The following SWAP70 variants were observed in gnomAD, a reference collection of about 807,000 sequenced individuals.
The protein encoded by SWAP70 is switching B cell complex subunit SWAP70, also known as switch-associated protein 70.
In SWAP70, 34 loss-of-function variants were observed where a neutral mutation model predicts 80.2. The observed-to-expected ratio is 0.42, with a 90% CI of 0.32 to 0.56. The LOEUF (loss-of-function observed/expected upper bound fraction) is 0.56. Among genes scored for constraint, SWAP70 ranks in the 20% least tolerant of loss-of-function variants. SWAP70 has a pLI of 0.09. For missense variants in SWAP70, 578 were observed against 690.7 expected (o/e 0.84, Z 1.83); for synonymous variants, 239 against 238.5 (o/e 1.00, Z -0.02).
At chr11:9,664,323 C>A in intron 1 of SWAP70, 45 bp downstream of exon 1, 1 of 1,532,892 alleles carries the variant, frequency 6.5e-7, no homozygotes, top group East Asian at 2.5e-5. Flanking sequence ...CTCCCCGGCG[C>A]GCTCTGTACT....
chr11:9,709,145 A>T (rs1399503412), intron 2 of SWAP70, among the ~76,000 whole-genome samples: 1 of 151,740 alleles, frequency 6.6e-6, no homozygotes, highest in Non-Finnish European at 1.5e-5. Context: ...TCCCCCTCAG[A>T]CAGAGTCTCA....
chr11:9,737,394 TTTAGAATGTCC>T (rs1851376535), intron 7 of SWAP70, among the ~76,000 whole-genome samples: 1 of 152,348 alleles, frequency 6.6e-6, no homozygotes, highest in African/African-American at 2.4e-5. Context: ...TGTTCTCCAT[TTTAGAATGTCC>T]TTAGCATAAT....
rs559530628 is a variant in SWAP70 at position 9,675,611 on chromosome 11, G to A, written c.99+11333G>A. On this transcript the variant is annotated intron_variant, in intron 1 of 11. Coordinates refer to ENST00000318950, the MANE Select transcript of SWAP70 (RefSeq NM_015055.4). The stretch of plus-strand genomic sequence containing the variant: ...ATAGCCATAAATAAGGTCATTGCAG[G>A]TCAGTAGGTTTTCTCGAATCTTTAA... Among the ~76,000 whole-genome samples, 20 of 151,900 alleles carry A rather than the reference G, an allele frequency of 1.3e-4. No individual in the cohort carries two copies. In the South Asian group the frequency reaches 4.0e-3, roughly 30 times the overall value.
chr11:9,735,749 G>GC (rs1476749581), intron 7 of SWAP70, among the ~76,000 whole-genome samples: 2 of 152,198 alleles, frequency 1.3e-5, no homozygotes, highest in Admixed American at 6.5e-5. Context: ...TGTCAAGCTT[G>GC]CAGGAGTTCC....
At chr11:9,671,757 T>TTTTTATGTATATATAGAAATATAAATATA (rs1565109867) in intron 1 of SWAP70, among the ~76,000 whole-genome samples, 1 of 44,878 alleles carries the variant, frequency 2.2e-5, no homozygotes, top group Non-Finnish European at 4.6e-5. Context: ...TATAAATATA[T>TTTTTATGTATATATAGAAATATAAATATA]AAATATATAA....
intron 1 of SWAP70, among the ~76,000 whole-genome samples, chr11:9,680,077 A>G (rs1328074804): frequency 2.0e-5 from 3 of 152,246 alleles, no homozygotes; most frequent in Non-Finnish European, 2.9e-5. Context: ...ACTAATGTAT[A>G]AAACATTATA....
chr11:9,710,135 A>G (rs1233130155), intron 2 of SWAP70, among the ~76,000 whole-genome samples: 1 of 145,658 alleles, frequency 6.9e-6, no homozygotes, highest in Non-Finnish European at 1.5e-5. Flanking sequence ...ATTTAAGTGG[A>G]CCCTCGAAGT....
intron 1 of SWAP70, among the ~76,000 whole-genome samples, chr11:9,671,529 TAAATATATAG>T (rs1268657852): frequency 0.49 from 40,728 of 83,628 alleles, 11,328 homozygotes; most frequent in South Asian, 0.64. Context: ...TATAAATATA[TAAATATATAG>T]AAATATATAG....
Position 9,749,855 on chromosome 11 carries a change from G to A in SWAP70, c.1652-9G>A, listed in dbSNP as rs771110727. 5 of 1,574,734 alleles carry A rather than the reference G, an allele frequency of 3.2e-6. No homozygotes were observed. The highest frequency in any genetic ancestry group is 2.2e-5 in the East Asian group (1 of 44,698). On this transcript the variant is annotated splice_polypyrimidine_tract_variant and intron_variant, in intron 11 of 11. Transcript: ENST00000318950. The stretch of plus-strand genomic sequence containing the variant: ...TACTTCCTGTATTTAAAGCATGTTT[G>A]CCTCTTAGGTTCAAAGAACCCTCAC...
chr11:9,676,692 C>T (rs1850505227), intron 1 of SWAP70, among the ~76,000 whole-genome samples: 1 of 150,342 alleles, frequency 6.7e-6, no homozygotes, highest in South Asian at 2.1e-4. Context: ...CTCTGTTGCC[C>T]AGGCTGGAGT....
chr11:9,724,253 C>T (rs1187874219), intron 3 of SWAP70, among the ~76,000 whole-genome samples: 1 of 152,168 alleles, frequency 6.6e-6, no homozygotes, highest in African/African-American at 2.4e-5. Flanking sequence ...GTAAATTGAT[C>T]AATAACTTGT....
At chr11:9,664,877 A>G (rs1008808777) in intron 1 of SWAP70, among the ~76,000 whole-genome samples, 6 of 152,176 alleles carry the variant, frequency 3.9e-5, no homozygotes, top group African/African-American at 1.2e-4. Context: ...GCGTCTTTTA[A>G]GTTTGGAACT....
intron 1 of SWAP70, among the ~76,000 whole-genome samples, chr11:9,677,412 A>C (rs1353100795): frequency 6.6e-6 from 1 of 152,112 alleles, no homozygotes; most frequent in Non-Finnish European, 1.5e-5. Context: ...GACACATATA[A>C]ATTTTATAAA....
chr11:9,671,501 A>AATATATAAAAATATATTTATAAAT (rs1850387341), intron 1 of SWAP70, among the ~76,000 whole-genome samples: 1 of 84,838 alleles, frequency 1.2e-5, no homozygotes, highest in African/African-American at 4.6e-5. Context: ...TATATATATA[A>AATATATAAAAATATATTTATAAAT]ATATATATAA....
intron 3 of SWAP70, among the ~76,000 whole-genome samples, chr11:9,714,276 T>TA (rs57265670): frequency 2.0e-5 from 3 of 152,012 alleles, no homozygotes; most frequent in African/African-American, 7.2e-5. Flanking sequence ...CCCCACACTT[T>TA]AAAAAAAAGT....
Position 9,674,503 on chromosome 11 carries a change from C to T in SWAP70, c.99+10225C>T, listed in dbSNP as rs140903418. Among the ~76,000 whole-genome samples the T allele has an allele frequency of 3.3e-3, 507 of 151,796 alleles. 2 individuals are homozygous for T. Among genetic ancestry groups the T allele is most frequent in the African/African-American group, 0.011 (469 of 41,384 alleles). On this transcript the variant is annotated intron_variant, in intron 1 of 11. Transcript: ENST00000318950. The stretch of plus-strand genomic sequence containing the variant: ...TTGCTTGAAGCCAGGAGTTTGAAAA[C>T]AGCCTGGAAAATATAGTGAGACTTT...
At chr11:9,690,517 C>T (rs1231713092) in intron 1 of SWAP70, among the ~76,000 whole-genome samples, 3 of 152,114 alleles carry the variant, frequency 2.0e-5, no homozygotes, top group African/African-American at 7.2e-5. Context: ...GCAGACGTTG[C>T]TGAGATCATG....
rs1168588707 is a variant in SWAP70, at chr11:9,751,176, A to G, written c.*1206A>G. 1 of 152,246 alleles carries G rather than the reference A, an allele frequency of 6.6e-6. No individual in the cohort carries two copies. The highest frequency in any genetic ancestry group is 1.5e-5 in the Non-Finnish European group (1 of 68,034). The allele number at this position is 152,246 out of a possible 1,614,324, so 9.4% of individuals were successfully genotyped here. The stretch of plus-strand genomic sequence containing the variant: ...TAGTTAGATTCAAAACATCATAAAG[A>G]TGATAGCATGTCAATATATTAGCCT... On this transcript the variant is annotated 3_prime_UTR_variant, in exon 12 of 12. Coordinates refer to ENST00000318950, the MANE Select transcript of SWAP70 (RefSeq NM_015055.4).
intron 1 of SWAP70, among the ~76,000 whole-genome samples, chr11:9,672,496 T>C (rs1850431384): frequency 6.7e-6 from 1 of 149,652 alleles, no homozygotes; most frequent in Non-Finnish European, 1.5e-5. Flanking sequence ...CCTGAGTAGC[T>C]GGGACTACGG....
Sources: allele counts gnomAD v4.1 joint callset (sites outside exome capture counted in the v4.1 genomes callset), GRCh38; gene constraint gnomAD v4.1.1; transcripts MANE v1.5; gene names NCBI Gene and HGNC (gene_info 2026-07-23, HGNC 2026-07-21).